NUP205: variants seen among roughly 807,000 people sequenced by gnomAD.
The protein encoded by NUP205 is nuclear pore complex protein Nup205.
A neutral mutation model predicts 253.8 loss-of-function variants in NUP205; 76 were observed. The ratio of observed to expected loss-of-function variants is 0.30; its 90% CI spans 0.25 to 0.36. The LOEUF is 0.36. Ranked by LOEUF, NUP205 falls within the 10% of genes least tolerant of loss-of-function variation. The pLI, the probability that NUP205 is intolerant of heterozygous loss-of-function variation, is 1.00. For synonymous variants in NUP205, 832 were observed against 850.1 expected (o/e 0.98, Z 0.37); for missense variants, 2,162 against 2,425.5 (o/e 0.89, Z 2.28).
chr7:135,630,203 G>A (rs1017989251), intron 34 of NUP205, 141 bp from the exon 35 acceptor site: 60 of 416,994 alleles, frequency 1.4e-4, no homozygotes, highest in Admixed American at 1.4e-4. Context: ...TTATTGTGAG[G>A]CTGAGTATTG....
Position 135,625,177 on chromosome 7 carries a change from C to G in NUP205, c.4493C>G (p.Ala1498Gly). 1.9e-6 allele frequency: 3 copies of G among 1,612,466 alleles called. No individual in the cohort carries two copies. The highest frequency in any genetic ancestry group is 8.5e-7 in the Non-Finnish European group (1 of 1,179,602). Residue 1498 changes from alanine (A) to glycine (G), a missense_variant, in exon 32 of 43, where the codon GCT becomes GGT. Transcript: ENST00000285968. The part of the protein sequence containing the change: ...GHEIGRMLAL[A>G]LLDRIVSVDK... ...TTCTTCCTTCAGATGCTGGCCCTGG[C>G]TCTACTTGATAGAATTGTCTCCGTG...
At chr7:135,561,473 C>T (rs1255803064) in intron 1 of NUP205, among the ~76,000 whole-genome samples, 1 of 152,242 alleles carries the variant, frequency 6.6e-6, no homozygotes, top group Non-Finnish European at 1.5e-5. Flanking sequence ...CAACTATTAA[C>T]ACTGCTTGGC....
rs1481037959 is a variant in NUP205 at position 135,591,468 on chromosome 7, G to T, written c.1492G>T (p.Val498Phe). 2.5e-6 allele frequency: 4 copies of T among 1,613,770 alleles called. No individual in the cohort carries two copies. Among genetic ancestry groups the T allele is most frequent in the Admixed American group, 1.7e-5 (1 of 59,954 alleles). The change falls in exon 11 of 43, where the codon GTT (valine) becomes TTT (phenylalanine). Residue 498 changes from valine (V) to phenylalanine (F), a missense_variant. Coordinates refer to ENST00000285968, the MANE Select transcript of NUP205 (RefSeq NM_015135.3). Reference protein sequence around the residue: ...PQRQVVLSKFVRQMGDLLPPT... With the variant: ...PQRQVVLSKFFRQMGDLLPPT... ...TTTTCAGGTTGTCTTGTCAAAGTTT[G>T]TTAGGCAAATGGGTGACCTGTTGCC...
In NUP205 at chr7:135,630,363, C is replaced by T; in HGVS notation, c.4952C>T (p.Ser1651Leu). 4.4e-6 allele frequency: 7 copies of T among 1,590,588 alleles called. No homozygotes were observed. Among genetic ancestry groups the T allele is most frequent in the Non-Finnish European group, 6.0e-6 (7 of 1,170,452 alleles). The change falls in exon 35 of 43, where the codon TCA (serine) becomes TTA (leucine). Residue 1651 changes from serine to leucine, a missense_variant. Around this residue, in one of 5 missense-constraint regions of NUP205, gnomAD observed 1,144 missense variants for 1,280.9 expected, o/e 0.89. Coordinates refer to ENST00000285968, the MANE Select transcript of NUP205 (RefSeq NM_015135.3). ...AAGQVLQFLI[S>L]HSDTIQAILR... ...GCTTAGGTATTGCAGTTTCTTATTT[C>T]ACATTCTGATACCATACAAGCAATT...
chr7:135,594,437 A>G (rs1002232318), intron 12 of NUP205, 110 bp from the exon 13 acceptor site: 4 of 717,732 alleles, frequency 5.6e-6, no homozygotes, highest in Non-Finnish European at 6.8e-6. Flanking sequence ...GTTTTAGTAT[A>G]TATTAAGCCC....
At position 135,604,545 on chromosome 7, in the gene NUP205, CAT is replaced by C; in HGVS notation, c.2823+88_2823+89del. The C allele has an allele frequency of 3.0e-6, 4 of 1,315,556 alleles. No individual in the cohort carries two copies. The South Asian group carries it at 5.8e-5, about 19-fold the overall frequency. 81.5% of individuals were successfully genotyped at this position (1,315,556 alleles called of 1,614,324 possible). On this transcript the variant is annotated intron_variant, in intron 19 of 42. Transcript: ENST00000285968. The stretch of plus-strand genomic sequence containing the variant: ...GAAGTTCTAGTGTCTATGGAGGAAT[CAT>C]ATTCTTGGTTGTGGAAAAATTCATT...
intron 10 of NUP205, 98 bp from the exon 11 acceptor site, chr7:135,591,352 C>T: frequency 2.1e-6 from 2 of 974,576 alleles, no homozygotes; most frequent in Non-Finnish European, 3.1e-6. Context: ...TAAGTCAGAG[C>T]ACTACTTTTA....
intron 7 of NUP205, among the ~76,000 whole-genome samples, chr7:135,582,235 A>C (rs1396674489): frequency 2.6e-5 from 4 of 152,208 alleles, no homozygotes; most frequent in African/African-American, 9.6e-5. Flanking sequence ...CAGTGAGTCA[A>C]GATCGCACCA....
chr7:135,616,698 G>T lies in NUP205; in HGVS notation c.3504G>T (p.Gly1168=). ...GIEDENRSVS[G]FLHFDTATKV... is the part of the protein sequence containing the mutation. ...AAGATGAAAACAGGTCTGTTTCTGG[G>T]TTCCTTCACTTTGACACTGCTACAA... Residue 1168 remains glycine (G), a synonymous_variant, in exon 25 of 43, where the codon GGG becomes GGT. Coordinates refer to ENST00000285968, the MANE Select transcript of NUP205 (RefSeq NM_015135.3). 1 of 1,571,216 alleles carries T rather than the reference G, an allele frequency of 6.4e-7. No individual in the cohort carries two copies. The highest frequency in any genetic ancestry group is 8.6e-7 in the Non-Finnish European group (1 of 1,163,084).
intron 7 of NUP205, among the ~76,000 whole-genome samples, chr7:135,580,689 C>T (rs1005634339): frequency 6.6e-6 from 1 of 152,070 alleles, no homozygotes; most frequent in East Asian, 1.9e-4. Flanking sequence ...TCTCGAACTC[C>T]GGAGCTCAGG....
Position 135,606,900 on chromosome 7 carries a change from A to G in NUP205, c.3055A>G (p.Asn1019Asp), listed in dbSNP as rs753377802. The G allele has an allele frequency of 6.2e-7, 1 of 1,614,008 alleles. No homozygotes were observed. The highest frequency in any genetic ancestry group is 8.5e-7 in the Non-Finnish European group (1 of 1,179,914). Residue 1019 changes from asparagine (N) to aspartate (D), a missense_variant, in exon 21 of 43, where the codon AAC (asparagine) becomes GAC (aspartate). Asn to Asp is a conservative substitution (Grantham distance 23). Transcript: ENST00000285968. ...ATTGAAAAAACCTGTCAGTACTACA[A>G]ACCTACAAGATCCAGGTATAGCCTA... The part of the protein sequence containing the change: ...FELKKPVSTT[N>D]LQDPGVLGCP...
chr7:135,648,345 G>A, intron 42 of NUP205, 59 bp from the exon 43 acceptor site: 14 of 1,412,930 alleles, frequency 9.9e-6, no homozygotes, highest in Non-Finnish European at 1.3e-5. Flanking sequence ...GGAAGACTTA[G>A]AATAAAAGAA....
chr7:135,643,080 C>A, intron 38 of NUP205, 112 bp from the exon 39 acceptor site: 2 of 978,858 alleles, frequency 2.0e-6, no homozygotes, highest in Non-Finnish European at 3.0e-6. Context: ...GTTTTAATGA[C>A]AGGTTACATG....
In NUP205 at chr7:135,598,139, T is replaced by C. The variant is rs1793887680; in HGVS notation, c.2206T>C (p.Leu736=). ...GLRPPGFDPY[L]QFLRDSVFLR... The stretch of plus-strand genomic sequence containing the variant: ...GCGGCCCCCTGGCTTTGACCCTTAT[T>C]TGCAGTTCCTTAGAGACTCTGTGTT... Residue 736 remains leucine, a synonymous_variant, in exon 15 of 43, where the codon TTG becomes CTG. Coordinates refer to ENST00000285968, the MANE Select transcript of NUP205 (RefSeq NM_015135.3). 3 of 1,614,014 alleles carry C rather than the reference T, an allele frequency of 1.9e-6. No individual in the cohort carries two copies. The South Asian group carries it at 3.3e-5, about 18-fold the overall frequency.
intron 8 of NUP205, among the ~76,000 whole-genome samples, chr7:135,586,799 T>G (rs2129490118): frequency 6.6e-6 from 1 of 152,314 alleles, no homozygotes; most frequent in Middle Eastern, 3.4e-3. Context: ...GAATTTCAGT[T>G]GTATTAAATT....
intron 15 of NUP205, among the ~76,000 whole-genome samples, chr7:135,599,128 T>A (rs1047358026): frequency 2.6e-5 from 4 of 152,220 alleles, no homozygotes; most frequent in African/African-American, 4.8e-5. Context: ...CTTTTTCCTA[T>A]GCCTGTAGAC....
At chr7:135,565,072 T>A (rs1285390770) in intron 1 of NUP205, among the ~76,000 whole-genome samples, 1 of 152,102 alleles carries the variant, frequency 6.6e-6, no homozygotes. Context: ...GCCGGCCTAT[T>A]GTAGAGTTTT....
intron 1 of NUP205, among the ~76,000 whole-genome samples, chr7:135,559,686 C>CTTTT (rs548329072): frequency 3.6e-5 from 5 of 138,006 alleles, no homozygotes; most frequent in South Asian, 2.3e-4. Flanking sequence ...ATTTATTTTC[C>CTTTT]TTTTTTTTTT....
intron 31 of NUP205, among the ~76,000 whole-genome samples, chr7:135,624,927 G>T (rs1273705495): frequency 6.6e-6 from 1 of 152,046 alleles, no homozygotes; most frequent in Non-Finnish European, 1.5e-5. Flanking sequence ...AACGTGTTAG[G>T]TTTTGTTTTG....
Sources: allele counts gnomAD v4.1 joint callset (sites outside exome capture counted in the v4.1 genomes callset), GRCh38; gene constraint gnomAD v4.1.1; regional missense constraint gnomAD v4.1.1; transcripts MANE v1.5; gene names NCBI Gene and HGNC (gene_info 2026-07-23, HGNC 2026-07-21).